Variants in DEPDC5 observed in about 807,000 individuals in gnomAD.
DEPDC5 encodes DEP domain containing 5, GATOR1 subcomplex subunit.
A neutral mutation model predicts 217.3 loss-of-function variants in DEPDC5; 73 were observed. The ratio of observed to expected loss-of-function variants is 0.34; its 90% confidence interval spans 0.28 to 0.41. The LOEUF (loss-of-function observed/expected upper bound fraction) is 0.41. Ranked by LOEUF, DEPDC5 falls within the 10% of genes least tolerant of loss-of-function variation. The probability of loss-of-function intolerance (pLI) is 1.00; values close to 1 mark genes in which losing one functional copy is unlikely to be tolerated. For synonymous variants in DEPDC5, 733 were observed against 756.7 expected, an observed-to-expected ratio of 0.97 and a Z score of 0.51; for missense variants, 1,675 against 2,070.1, an observed-to-expected ratio of 0.81 and a Z score of 3.70.
At chr22:31,762,832 G>A (rs902901921) in intron 4 of DEPDC5, among the ~76,000 whole-genome samples, 3 of 151,874 alleles carry the variant, frequency 2.0e-5, no homozygotes, top group Non-Finnish European at 4.4e-5. Context: ...TAAAGAGATG[G>A]CGTCTCACTC....
At chr22:31,897,717 C>T in intron 40 of DEPDC5, 64 bp downstream of exon 40, 1 of 1,569,130 alleles carries the variant, frequency 6.4e-7, no homozygotes, top group Non-Finnish European at 8.7e-7. Context: ...ACAAGGACAC[C>T]ACTCTGGGTA....
chr22:31,881,167 T>C (rs1435685743), intron 38 of DEPDC5, among the ~76,000 whole-genome samples: 1 of 151,592 alleles, frequency 6.6e-6, no homozygotes, highest in Non-Finnish European at 1.5e-5. Flanking sequence ...TCAGGTGTGG[T>C]GGCAGACGCC....
chr22:31,873,085 C>T, intron 34 of DEPDC5, 170 bp from the exon 35 acceptor site: 1 of 1,334,572 alleles, frequency 7.5e-7, no homozygotes, highest in East Asian at 2.8e-5. Context: ...ATAGGAAACC[C>T]CCTATGAGAT....
chr22:31,862,979 G>A (rs1271430935), intron 33 of DEPDC5, among the ~76,000 whole-genome samples: 2 of 152,096 alleles, frequency 1.3e-5, no homozygotes, highest in Non-Finnish European at 2.9e-5. Context: ...AGCGTCCCAA[G>A]TAGCTGGGAG....
intron 4 of DEPDC5, among the ~76,000 whole-genome samples, chr22:31,763,991 G>A (rs1329742428): frequency 2.0e-5 from 3 of 151,884 alleles, no homozygotes; most frequent in East Asian, 3.9e-4. Context: ...GTGCAGTGGT[G>A]TGATTTTGGC....
rs1302682638 is a variant in DEPDC5 at position 31,906,529 on chromosome 22, G to A, written c.*32G>A. On this transcript the variant is annotated 3_prime_UTR_variant, in exon 43 of 43. Transcript: ENST00000651528. The surrounding 1 kb of genome is among the most constrained non-coding windows in gnomAD (Gnocchi z 5.1). ...GCTGCACCTGTGCTGGGGGAAGGTG[G>A]GTGAGCCACTGCCCTCAAACCCGGG... 2 of 1,558,354 alleles carry A rather than the reference G, an allele frequency of 1.3e-6. No homozygotes were observed. The highest frequency in any genetic ancestry group is 1.3e-5 in the African/African-American group (1 of 74,668).
rs758245200 is a variant in DEPDC5, at chr22:31,843,078, T to TA, written c.2516-16dup. On this transcript the variant is annotated splice_polypyrimidine_tract_variant and intron_variant, in intron 27 of 42. Transcript: ENST00000651528. Reference sequence around the variant, plus strand: ...TGAGCTTCAAACAGATGGAGGAAATTATTATTTTTCTGTTAGGCCTTGTGT... The same window carrying TA: ...TGAGCTTCAAACAGATGGAGGAAATTAATTATTTTTCTGTTAGGCCTTGTGT... 32 of 1,585,662 alleles carry TA rather than the reference T, an allele frequency of 2.0e-5. No homozygotes were observed. Among genetic ancestry groups the TA allele is most frequent in the Non-Finnish European group, 2.7e-5 (31 of 1,156,428 alleles).
chr22:31,760,534 C>T lies in DEPDC5; in HGVS notation c.147-122C>T. The T allele has an allele frequency of 1.0e-5, 8 of 799,682 alleles. No homozygotes were observed. In the South Asian group the frequency reaches 1.4e-4, roughly 14 times the overall value. The allele number at this position is 799,682 out of a possible 1,614,324, so 49.5% of individuals were successfully genotyped here. A position where few individuals can be genotyped will look rare whatever the true frequency, so the allele number is the denominator to read the frequency against. The stretch of plus-strand genomic sequence containing the variant: ...TCTTTGTTTCTGAGGGAGCTTTCTC[C>T]CGTTGTTGTGCTGTAAGTCACAGAA... On this transcript the variant is annotated intron_variant, in intron 3 of 42. Coordinates refer to ENST00000651528, the MANE Select transcript of DEPDC5 (RefSeq NM_001242896.3).
At position 31,845,062 on chromosome 22, in the gene DEPDC5, T is replaced by C. The variant is rs1192469281; in HGVS notation, c.2846T>C (p.Leu949Pro). ...TTCTGGAGGACCCGCTTCCTGCTGCTGCCAGCCTGTGTCACCGCCACCAAG... is the reference window on the plus strand; with the variant it reads ...TTCTGGAGGACCCGCTTCCTGCTGCCGCCAGCCTGTGTCACCGCCACCAAG... ...LKFWRTRFLL[L>P]PACVTATKRI... Residue 949 changes from leucine to proline, a missense_variant, in exon 30 of 43, where the codon CTG becomes CCG. Transcript: ENST00000651528. 1 of 1,614,220 alleles carries C rather than the reference T, an allele frequency of 6.2e-7. No homozygotes were observed. Among genetic ancestry groups the C allele is most frequent in the East Asian group, 2.2e-5 (1 of 44,886 alleles).
intron 41 of DEPDC5, among the ~76,000 whole-genome samples, chr22:31,904,754 G>GCTTT (rs2149442024): frequency 6.6e-6 from 1 of 152,290 alleles, no homozygotes; most frequent in South Asian, 2.1e-4. Context: ...ATTTTGCAAA[G>GCTTT]GCAAAATCCA....
chr22:31,869,348 C>T (rs1041131573), intron 33 of DEPDC5, among the ~76,000 whole-genome samples: 3 of 151,940 alleles, frequency 2.0e-5, no homozygotes, highest in African/African-American at 7.3e-5. Flanking sequence ...CTTGAGGCCT[C>T]GGGCGGACTG....
Position 31,787,828 on chromosome 22 carries a change from A to G in DEPDC5, c.624+2953A>G, listed in dbSNP as rs556006034. Among the ~76,000 whole-genome samples the G allele has an allele frequency of 2.0e-3, 298 of 151,460 alleles. 1 individual carries two copies. Among genetic ancestry groups the G allele is most frequent in the South Asian group, 0.017 (80 of 4,804 alleles). On this transcript the variant is annotated intron_variant, in intron 10 of 42. Coordinates refer to ENST00000651528, the MANE Select transcript of DEPDC5 (RefSeq NM_001242896.3). Reference sequence around the variant, plus strand: ...CCCTGTCTCTTTAAAAAAAAAAAAAAAAGAAGAAGAAAAAAGAAGACAACC... The same window carrying G: ...CCCTGTCTCTTTAAAAAAAAAAAAAGAAGAAGAAGAAAAAAGAAGACAACC...
intron 10 of DEPDC5, among the ~76,000 whole-genome samples, chr22:31,787,094 A>AT (rs1008109720): frequency 0.012 from 1,733 of 142,080 alleles, 36 homozygotes; most frequent in African/African-American, 0.042. Flanking sequence ...AAGTTTTATA[A>AT]TTTTTTTTTT....
chr22:31,906,833 G>T lies in DEPDC5; in HGVS notation c.*336G>T, dbSNP rs1047214622. 2.1e-5 allele frequency: 9 copies of T among 422,364 alleles called. No homozygotes were observed. Among genetic ancestry groups the T allele is most frequent in the South Asian group, 1.2e-4 (4 of 32,214 alleles). The allele number at this position is 422,364 out of a possible 1,614,324, so 26.2% of individuals were successfully genotyped here. On this transcript the variant is annotated 3_prime_UTR_variant, in exon 43 of 43. Transcript: ENST00000651528. This position sits in a 1 kb window ranked among gnomAD's most constrained non-coding sequence, Gnocchi z 5.1. The stretch of plus-strand genomic sequence containing the variant: ...GCCCCCATGAATGTCCTCGGAAGGG[G>T]GTGGCTCCTGGTAGCATCCTTTTCC...
chr22:31,780,216 A>G (rs981419599), intron 8 of DEPDC5, among the ~76,000 whole-genome samples: 2 of 152,136 alleles, frequency 1.3e-5, no homozygotes, highest in Non-Finnish European at 2.9e-5. Context: ...GAGAGCTATA[A>G]CAATGGAAGG....
intron 22 of DEPDC5, among the ~76,000 whole-genome samples, chr22:31,820,548 G>A (rs1203413636): frequency 6.6e-6 from 1 of 152,074 alleles, no homozygotes; most frequent in Non-Finnish European, 1.5e-5. Flanking sequence ...TGTAACTGGG[G>A]GGTCATGCCT....
At chr22:31,761,662 CAAAAAAAAAAA>C (rs532267383) in intron 4 of DEPDC5, among the ~76,000 whole-genome samples, 1 of 97,476 alleles carries the variant, frequency 1.0e-5, no homozygotes, top group Non-Finnish European at 2.1e-5. Flanking sequence ...GACCCTATCT[CAAAAAAAAAAA>C]AAAAAAAAAA....
chr22:31,869,428 G>A (rs1271865190), intron 33 of DEPDC5, among the ~76,000 whole-genome samples: 5 of 151,910 alleles, frequency 3.3e-5, no homozygotes, highest in Non-Finnish European at 5.9e-5. Flanking sequence ...AGCCAGGTGT[G>A]GTGGCTCCCA....
rs2092816876 is a variant in DEPDC5, at chr22:31,870,713, G to GGCT, written c.3455_3457dup (p.Gly1152_Tyr1153insCys). 1.3e-6 allele frequency: 2 copies of GGCT among 1,589,296 alleles called. No individual in the cohort carries two copies. The highest frequency in any genetic ancestry group is 1.2e-5 in the South Asian group (1 of 86,792). On this transcript the variant is annotated inframe_insertion, in exon 34 of 43. Transcript: ENST00000651528. ...GAACTCCCAGAACATAGGAGAACAG[G>GGCT]GCTACTCCTCCACAAACTCCAGTGA... is the stretch of plus-strand genomic sequence containing the variant.
Sources: gnomAD v4.1 joint callset for allele counts (sites outside exome capture counted in the v4.1 genomes callset) on GRCh38, gnomAD v4.1.1 for gene constraint, Gnocchi (gnomAD v3.1) non-coding constraint, MANE v1.5 for transcripts, NCBI Gene and HGNC (gene_info 2026-07-23, HGNC 2026-07-21) for gene names.